Variants in GRIN2A observed in about 807,000 individuals in gnomAD.
GRIN2A encodes glutamate receptor ionotropic, NMDA 2A.
Under a neutral mutation model 113.4 loss-of-function variants are expected in GRIN2A, and 22 were observed. The observed-to-expected ratio is 0.19, with a 90% CI of 0.14 to 0.28. The LOEUF (loss-of-function observed/expected upper bound fraction) is 0.28, where lower values mean the gene tolerates loss of function less well. GRIN2A is among the 10% of genes least tolerant of loss of function. GRIN2A has a pLI of 1.00. For synonymous variants in GRIN2A, 827 were observed against 738.4 expected (o/e 1.12, Z -1.94); for missense variants, 1,502 against 1,887.0 (o/e 0.80, Z 3.78).
At chr16:10,059,451 A>G (rs8052637) in intron 2 of GRIN2A, among the ~76,000 whole-genome samples, 5,682 of 151,976 alleles carry the variant, frequency 0.037, 390 homozygotes, top group African/African-American at 0.13. Flanking sequence ...TTCAAGGAAG[A>G]ACTCATTCTC....
intron 2 of GRIN2A, among the ~76,000 whole-genome samples, chr16:10,084,652 T>C (rs370207537): frequency 5.8e-4 from 88 of 152,304 alleles, no homozygotes; most frequent in African/African-American, 1.6e-3. Flanking sequence ...TCTGGGGAAG[T>C]TTTTCATCAT....
At chr16:10,136,613 G>A (rs928467742) in intron 2 of GRIN2A, among the ~76,000 whole-genome samples, 5 of 151,990 alleles carry the variant, frequency 3.3e-5, no homozygotes, top group Admixed American at 3.3e-4. Context: ...CATATTCTAG[G>A]TGACCTTTTC....
chr16:9,960,250 C>T (rs938396321), intron 2 of GRIN2A, among the ~76,000 whole-genome samples: 1 of 152,202 alleles, frequency 6.6e-6, no homozygotes, highest in African/African-American at 2.4e-5. Flanking sequence ...GAGTTTATAA[C>T]AACCTAAGTA....
intron 9 of GRIN2A, among the ~76,000 whole-genome samples, chr16:9,827,962 T>G (rs1210216153): frequency 2.0e-5 from 3 of 152,206 alleles, no homozygotes; most frequent in Admixed American, 6.5e-5. Context: ...TTCCTTGATG[T>G]TTACTTGTGT....
chr16:10,049,053 G>A (rs2141979856), intron 2 of GRIN2A, among the ~76,000 whole-genome samples: 1 of 152,210 alleles, frequency 6.6e-6, no homozygotes, highest in South Asian at 2.1e-4. Flanking sequence ...AGCCAGAGGG[G>A]AGGAAAATCT....
intron 2 of GRIN2A, among the ~76,000 whole-genome samples, chr16:10,155,305 C>A (rs531204505): frequency 6.6e-6 from 1 of 152,242 alleles, no homozygotes; most frequent in South Asian, 2.1e-4. Context: ...AGTTTTATTA[C>A]CATCCCCCAT....
At chr16:10,014,300 G>A (rs998593854) in intron 2 of GRIN2A, among the ~76,000 whole-genome samples, 2 of 152,232 alleles carry the variant, frequency 1.3e-5, no homozygotes, top group African/African-American at 4.8e-5. Context: ...TGCAAGACCA[G>A]TATGTATGTC....
chr16:9,815,319 A>C lies in GRIN2A; in HGVS notation c.2168+6945T>G, dbSNP rs191968044. Among the ~76,000 whole-genome samples the C allele has an allele frequency of 3.6e-3, 553 of 151,952 alleles. 6 individuals carry two copies. Among genetic ancestry groups the C allele is most frequent in the African/African-American group, 0.012 (516 of 41,466 alleles). ...GTAATAGCTAGAATATAAAAAGGTA[A>C]CCCATGGAATAGGAAAAAATATTTG... On this transcript the variant is annotated intron_variant, in intron 10 of 12. Coordinates refer to ENST00000330684, the MANE Select transcript of GRIN2A (RefSeq NM_001134407.3).
chr16:9,834,489 C>G (rs1044405602), intron 7 of GRIN2A, among the ~76,000 whole-genome samples: 28 of 152,170 alleles, frequency 1.8e-4, no homozygotes, highest in Admixed American at 4.6e-4. Flanking sequence ...TCAAGCAATT[C>G]TCCTGCCTCA....
At chr16:10,049,919 A>G (rs2047328693) in intron 2 of GRIN2A, among the ~76,000 whole-genome samples, 1 of 152,194 alleles carries the variant, frequency 6.6e-6, no homozygotes, top group South Asian at 2.1e-4. Flanking sequence ...AATCTTTCTG[A>G]TAACCCAGTG....
intron 3 of GRIN2A, among the ~76,000 whole-genome samples, chr16:9,892,963 G>A (rs184388473): frequency 1.2e-3 from 174 of 145,294 alleles, no homozygotes; most frequent in African/African-American, 4.3e-3. Context: ...AGAAGAAGAA[G>A]AAGAGAACTA....
rs551771182 is a variant in GRIN2A, at chr16:10,159,548, A to T, written c.414+20450T>A. Among the ~76,000 whole-genome samples the T allele has an allele frequency of 1.4e-4, 21 of 152,282 alleles. No individual in the cohort carries two copies. In the South Asian group the frequency reaches 3.5e-3, roughly 26 times the overall value. The stretch of plus-strand genomic sequence containing the variant: ...GGTCCCCCAAGCATGCAAAAGGCAG[A>T]TCATCATCAATGAGGCTGGAGTGAC... On this transcript the variant is annotated intron_variant, in intron 2 of 12. Coordinates refer to ENST00000330684, the MANE Select transcript of GRIN2A (RefSeq NM_001134407.3).
At chr16:10,092,861 C>CTTT (rs33949885) in intron 2 of GRIN2A, among the ~76,000 whole-genome samples, 24 of 142,546 alleles carry the variant, frequency 1.7e-4, no homozygotes, top group African/African-American at 5.2e-4. Context: ...TGAAAAGTTG[C>CTTT]TTTTTTTTTT....
At chr16:9,842,087 C>T (rs1343024078) in intron 5 of GRIN2A, among the ~76,000 whole-genome samples, 1 of 152,074 alleles carries the variant, frequency 6.6e-6, no homozygotes, top group Admixed American at 6.5e-5. Context: ...CCTGTCTCTA[C>T]TAAAAATACA....
At chr16:10,067,735 C>G (rs1285128106) in intron 2 of GRIN2A, among the ~76,000 whole-genome samples, 1 of 152,002 alleles carries the variant, frequency 6.6e-6, no homozygotes, top group African/African-American at 2.4e-5. Context: ...GGGACACATT[C>G]CCACCCCCAC....
chr16:10,074,489 A>G (rs1001479934), intron 2 of GRIN2A, among the ~76,000 whole-genome samples: 1 of 150,664 alleles, frequency 6.6e-6, no homozygotes, highest in Non-Finnish European at 1.5e-5. Flanking sequence ...TAAACATCCT[A>G]CAATCAATGA....
intron 4 of GRIN2A, among the ~76,000 whole-genome samples, chr16:9,881,196 T>C (rs901817881): frequency 3.9e-5 from 6 of 152,248 alleles, no homozygotes; most frequent in African/African-American, 1.4e-4. Flanking sequence ...AACAGCGTTT[T>C]ATTTGCCTTG....
intron 2 of GRIN2A, among the ~76,000 whole-genome samples, chr16:10,006,165 T>C (rs1219369452): frequency 6.6e-6 from 1 of 152,210 alleles, no homozygotes; most frequent in Non-Finnish European, 1.5e-5. Context: ...CCATCCTAAC[T>C]GCAGTCGTAG....
At chr16:10,115,244 C>T (rs1173587110) in intron 2 of GRIN2A, among the ~76,000 whole-genome samples, 5 of 151,480 alleles carry the variant, frequency 3.3e-5, no homozygotes, top group Non-Finnish European at 7.4e-5. Flanking sequence ...TTTTTTTCAG[C>T]TTACTTTGTA....
Sources: gnomAD v4.1 joint callset for allele counts (sites outside exome capture counted in the v4.1 genomes callset) on GRCh38, gnomAD v4.1.1 for gene constraint, MANE v1.5 for transcripts, NCBI Gene and HGNC (gene_info 2026-07-23, HGNC 2026-07-21) for gene names.